The following PIK3C2G variants were observed in gnomAD, a reference collection of about 807,000 sequenced individuals.
PIK3C2G encodes the protein phosphatidylinositol 3-kinase C2 domain-containing subunit gamma.
In PIK3C2G, 168 loss-of-function variants were observed where a neutral mutation model predicts 181.1. The ratio of observed to expected loss-of-function variants is 0.93; its 90% confidence interval spans 0.82 to 1.05. The LOEUF is 1.05. Ranked by LOEUF, PIK3C2G falls within the 50% of genes least tolerant of loss-of-function variation. The pLI, the probability that PIK3C2G is intolerant of heterozygous loss-of-function variation, is 0.00. For missense variants in PIK3C2G, 1,869 were observed against 1,732.8 expected, an observed-to-expected ratio of 1.08 and a Z score of -1.40; for synonymous variants, 573 against 592.2, an observed-to-expected ratio of 0.97 and a Z score of 0.47.
In PIK3C2G at chr12:18,621,876, A is replaced by AAC. The variant is rs369704540; in HGVS notation, c.4182+12260_4182+12261dup. Among the ~76,000 whole-genome samples the AAC allele has an allele frequency of 2.6e-4, 40 of 151,426 alleles. No individual in the cohort carries two copies. The East Asian group carries it at 6.0e-3, about 23-fold the overall frequency. ...TTATTCCACCTTTATATTAACAATC[A>AAC]ACACACACACACACGTTGGAAAGAT... On this transcript the variant is annotated intron_variant, in intron 31 of 32. Coordinates refer to ENST00000538779, the MANE Select transcript of PIK3C2G (RefSeq NM_001288772.2).
At position 18,387,201 on chromosome 12, in the gene PIK3C2G, A is replaced by G. The variant is rs761733556; in HGVS notation, c.1996-3921A>G. 5.3e-4 allele frequency among the ~76,000 whole-genome samples: 81 copies of G among 151,940 alleles called. 1 individual carries two copies. The highest frequency in any genetic ancestry group is 1.0e-3 in the Non-Finnish European group (71 of 67,994). Reference sequence around the variant, plus strand: ...TATATTTTTATTGTCTATCCTCTCAATTCCTCACCTCATCTGCTGGTTTCC... The same window carrying G: ...TATATTTTTATTGTCTATCCTCTCAGTTCCTCACCTCATCTGCTGGTTTCC... On this transcript the variant is annotated intron_variant, in intron 14 of 32. Transcript: ENST00000538779.
intron 25 of PIK3C2G, among the ~76,000 whole-genome samples, chr12:18,543,801 A>G (rs1944289620): frequency 1.3e-5 from 2 of 151,650 alleles, no homozygotes; most frequent in African/African-American, 4.8e-5. Flanking sequence ...AGCCTGAATC[A>G]TGTGTTTTTT....
intron 29 of PIK3C2G, among the ~76,000 whole-genome samples, chr12:18,583,013 T>A (rs1219710988): frequency 6.6e-6 from 1 of 151,764 alleles, no homozygotes; most frequent in African/African-American, 2.4e-5. Flanking sequence ...TGCTAGAGAG[T>A]CCGGGGTGAC....
intron 18 of PIK3C2G, among the ~76,000 whole-genome samples, chr12:18,435,252 T>A (rs1946386119): frequency 6.6e-6 from 1 of 152,144 alleles, no homozygotes; most frequent in Non-Finnish European, 1.5e-5. Flanking sequence ...AAGTCTTGAT[T>A]CTCTTTTCTC....
At chr12:18,243,217 T>G (rs555173167), upstream of PIK3C2G, among the ~76,000 whole-genome samples, 15 of 152,004 alleles carry the variant, frequency 9.9e-5, 1 homozygote, top group African/African-American at 3.6e-4. Flanking sequence ...TGTGTGTGTG[T>G]GTGTGTGTAT....
chr12:18,666,007 C>T, the PIK3C2G span, among the ~76,000 whole-genome samples: 1 of 150,628 alleles, frequency 6.6e-6, no homozygotes, highest in Non-Finnish European at 1.5e-5. Context: ...CCAAAGTCTT[C>T]GTATACTATT....
intron 5 of PIK3C2G, among the ~76,000 whole-genome samples, chr12:18,300,926 C>A (rs1447037626): frequency 6.6e-6 from 1 of 152,110 alleles, no homozygotes; most frequent in Non-Finnish European, 1.5e-5. Context: ...TTCCAAGGAA[C>A]AACTTTATAT....
chr12:18,633,438 C>G (rs929219773), intron 31 of PIK3C2G, among the ~76,000 whole-genome samples: 1 of 152,168 alleles, frequency 6.6e-6, no homozygotes, highest in Non-Finnish European at 1.5e-5. Context: ...TACCTACTTC[C>G]ATCCTTTATT....
the PIK3C2G span, chr12:18,693,342 G>T: frequency 3.2e-6 from 5 of 1,573,904 alleles, no homozygotes; most frequent in East Asian, 6.7e-5. Flanking sequence ...AGATACTGGG[G>T]GGTTGGACAA....
In PIK3C2G at chr12:18,282,540, A is replaced by G. The variant is rs1232422353; in HGVS notation, c.459A>G (p.Lys153=). 6.2e-7 allele frequency: 1 copy of G among 1,611,592 alleles called. No individual in the cohort carries two copies. The highest frequency in any genetic ancestry group is 1.1e-5 in the South Asian group (1 of 91,028). The part of the protein sequence containing the change: ...ILAPSFTSLD[K]INLEKELENE... ...CTCCATCATTCACAAGTTTGGATAAAATTAATCTAGAGAAAGAATTAGAAA... is the reference window on the plus strand; with the variant it reads ...CTCCATCATTCACAAGTTTGGATAAGATTAATCTAGAGAAAGAATTAGAAA... Residue 153 remains lysine (K), a synonymous_variant, in exon 2 of 33, where the codon AAA becomes AAG. Transcript: ENST00000538779.
chr12:18,680,488 C>G, the PIK3C2G span, among the ~76,000 whole-genome samples: 1 of 152,008 alleles, frequency 6.6e-6, no homozygotes, highest in African/African-American at 2.4e-5. Flanking sequence ...TCATTTACCT[C>G]CAGTGACCAT....
the PIK3C2G span, among the ~76,000 whole-genome samples, chr12:18,701,070 C>T: frequency 9.9e-5 from 15 of 151,826 alleles, no homozygotes; most frequent in African/African-American, 3.1e-4. Context: ...CTGCAACATC[C>T]GCGTCCCAGG....
At chr12:18,596,272 C>T (rs1451774981) in intron 30 of PIK3C2G, among the ~76,000 whole-genome samples, 2 of 151,960 alleles carry the variant, frequency 1.3e-5, no homozygotes, top group African/African-American at 2.4e-5. Flanking sequence ...AATTCAGGGT[C>T]TCCGAACTGC....
chr12:18,608,131 T>C (rs1948145559), intron 30 of PIK3C2G, among the ~76,000 whole-genome samples: 1 of 152,110 alleles, frequency 6.6e-6, no homozygotes, highest in Non-Finnish European at 1.5e-5. Context: ...GGTTCAACCA[T>C]TGTGGAAGTC....
chr12:18,528,919 T>G (rs1170228744), intron 24 of PIK3C2G, among the ~76,000 whole-genome samples: 2 of 152,196 alleles, frequency 1.3e-5, no homozygotes, highest in African/African-American at 4.8e-5. Context: ...CTAGCTGCAT[T>G]AATTCTTACA....
intron 1 of PIK3C2G, among the ~76,000 whole-genome samples, chr12:18,249,394 A>G (rs1948073469): frequency 6.6e-6 from 1 of 152,140 alleles, no homozygotes; most frequent in African/African-American, 2.4e-5. Flanking sequence ...CTACGTTTTC[A>G]CTTTTTCTTT....
At chr12:18,409,002 G>A (rs976634316) in intron 16 of PIK3C2G, among the ~76,000 whole-genome samples, 2 of 152,074 alleles carry the variant, frequency 1.3e-5, no homozygotes, top group East Asian at 3.9e-4. Flanking sequence ...ATTCCTCAAG[G>A]ATCTAGAACT....
rs1056319997 is a variant in PIK3C2G at position 18,371,180 on chromosome 12, G to A, written c.1749G>A (p.Thr583=). Residue 583 remains threonine (T), a splice_region_variant and synonymous_variant, in exon 13 of 33, where the codon ACG becomes ACA. Transcript: ENST00000538779. ...LFFFLVNWNE[T]INFPLEIKSL... is the part of the protein sequence containing the mutation. ...TGCTTCTTCTTTCTTTTATTCTCAG[G>A]ATCAATTTTCCCCTTGAAATAAAGT... is the stretch of plus-strand genomic sequence containing the variant. 1 of 1,602,862 alleles carries A rather than the reference G, an allele frequency of 6.2e-7. No homozygotes were observed. Among genetic ancestry groups the A allele is most frequent in the East Asian group, 2.2e-5 (1 of 44,608 alleles).
At chr12:18,653,020 A>C (rs1049685837), downstream of PIK3C2G, among the ~76,000 whole-genome samples, 1 of 152,068 alleles carries the variant, frequency 6.6e-6, no homozygotes, top group African/African-American at 2.4e-5. Flanking sequence ...TCACCCCCTC[A>C]AACCCCTACC....
Sources: allele counts gnomAD v4.1 joint callset (sites outside exome capture counted in the v4.1 genomes callset), GRCh38; gene constraint gnomAD v4.1.1; transcripts MANE v1.5; gene names NCBI Gene and HGNC (gene_info 2026-07-23, HGNC 2026-07-21).